SOX6: variants seen among roughly 807,000 people sequenced by gnomAD.
SOX6 encodes SRY-box transcription factor 6, also known as transcription factor SOX-6.
In SOX6, 11 loss-of-function variants were observed where a neutral mutation model predicts 97.8. The observed-to-expected ratio is 0.11, with a 90% CI of 0.07 to 0.19. SOX6 has a LOEUF of 0.19. Among genes scored for constraint, SOX6 ranks in the 10% least tolerant of loss-of-function variants. The pLI, the probability that SOX6 is intolerant of heterozygous loss-of-function variation, is 1.00. For missense variants in SOX6, 810 were observed against 1,039.5 expected, an observed-to-expected ratio of 0.78 and a Z score of 3.04; for synonymous variants, 360 against 371.4, an observed-to-expected ratio of 0.97 and a Z score of 0.35.
intron 1 of SOX6, among the ~76,000 whole-genome samples, chr11:16,456,946 G>T (rs1169404101): frequency 6.6e-6 from 1 of 151,968 alleles, no homozygotes; most frequent in Non-Finnish European, 1.5e-5. Flanking sequence ...AATTATTTTT[G>T]AAAATCAAAG....
At chr11:16,362,698 C>G (rs1382799795) in intron 1 of SOX6, among the ~76,000 whole-genome samples, 2 of 152,120 alleles carry the variant, frequency 1.3e-5, no homozygotes, top group Non-Finnish European at 2.9e-5. Context: ...CATCTAGAAT[C>G]TGTTATGCCT....
At chr11:16,402,764 A>G in intron 1 of SOX6, 3 of 1,607,774 alleles carry the variant, frequency 1.9e-6, no homozygotes, top group Non-Finnish European at 2.6e-6. Flanking sequence ...ATATTAGGAA[A>G]AAAAACAATC....
intron 1 of SOX6, among the ~76,000 whole-genome samples, chr11:16,352,250 TGATGGATGGATGGATG>T (rs3030887): frequency 1.7e-4 from 25 of 147,498 alleles, no homozygotes; most frequent in African/African-American, 4.2e-4. Flanking sequence ...AATGGGCAGA[TGATGGATGGATGGATG>T]GATGGATGGA....
intron 10 of SOX6, among the ~76,000 whole-genome samples, chr11:16,055,120 T>C (rs1328690200): frequency 2.0e-5 from 3 of 152,214 alleles, no homozygotes; most frequent in African/African-American, 7.2e-5. Flanking sequence ...AGAGCATTTA[T>C]TAAGGATACA....
At chr11:16,480,267 C>A (rs1163955653), upstream of SOX6, among the ~76,000 whole-genome samples, 1 of 152,124 alleles carries the variant, frequency 6.6e-6, no homozygotes, top group East Asian at 1.9e-4. Flanking sequence ...TTATACTTAG[C>A]ATGTCTAATG....
intron 4 of SOX6, among the ~76,000 whole-genome samples, chr11:16,577,532 G>T (rs1847994832): frequency 6.6e-6 from 1 of 152,124 alleles, no homozygotes; most frequent in Non-Finnish European, 1.5e-5. Context: ...ATATTCTCAT[G>T]AGCAATATAT....
intron 4 of SOX6, among the ~76,000 whole-genome samples, chr11:16,521,975 C>T (rs912401931): frequency 6.6e-6 from 1 of 152,112 alleles, no homozygotes; most frequent in Non-Finnish European, 1.5e-5. Flanking sequence ...AAATATGGGA[C>T]TATGTGAAAA....
At chr11:16,731,288 A>G (rs1848347806) in intron 2 of SOX6, among the ~76,000 whole-genome samples, 1 of 152,172 alleles carries the variant, frequency 6.6e-6, no homozygotes, top group Admixed American at 6.5e-5. Flanking sequence ...CAGAGACACA[A>G]CAAAAAAAAG....
intron 4 of SOX6, among the ~76,000 whole-genome samples, chr11:16,227,736 G>A (rs1172170484): frequency 6.6e-6 from 1 of 152,028 alleles, no homozygotes; most frequent in Non-Finnish European, 1.5e-5. Context: ...CCCTAAAACA[G>A]CAGAAAACAC....
chr11:16,156,940 G>C (rs1211789334), intron 6 of SOX6, among the ~76,000 whole-genome samples: 1 of 151,828 alleles, frequency 6.6e-6, no homozygotes, highest in Non-Finnish European at 1.5e-5. Flanking sequence ...TTTGTTTACA[G>C]TCTCTATCTT....
chr11:16,081,313 C>G (rs1564944059), intron 9 of SOX6, among the ~76,000 whole-genome samples: 1 of 151,976 alleles, frequency 6.6e-6, no homozygotes, highest in Non-Finnish European at 1.5e-5. Flanking sequence ...TAAAATGCAC[C>G]ACTTCTCTGG....
At chr11:16,484,502 ACCT>A (rs1293265641) in intron 4 of SOX6, 1 of 805,738 alleles carries the variant, frequency 1.2e-6, no homozygotes, top group Non-Finnish European at 2.3e-6. Context: ...CTGAATGGCC[ACCT>A]CCACCTCATT....
chr11:16,139,599 C>T (rs1196565998), intron 6 of SOX6, among the ~76,000 whole-genome samples: 1 of 151,988 alleles, frequency 6.6e-6, no homozygotes, highest in Non-Finnish European at 1.5e-5. Context: ...AGCACCTCCT[C>T]ACTTTCTGGA....
At chr11:16,508,296 A>G (rs1860821943) in intron 4 of SOX6, among the ~76,000 whole-genome samples, 1 of 152,022 alleles carries the variant, frequency 6.6e-6, no homozygotes, top group Admixed American at 6.6e-5. Flanking sequence ...CTAACTGGAG[A>G]GTTCTCAAAA....
At chr11:16,546,304 C>G (rs1050651164) in intron 4 of SOX6, among the ~76,000 whole-genome samples, 1 of 152,094 alleles carries the variant, frequency 6.6e-6, no homozygotes, top group Non-Finnish European at 1.5e-5. Context: ...AATGCAACCC[C>G]TATCAAAATA....
chr11:16,444,967 A>G (rs1337699064), intron 1 of SOX6, among the ~76,000 whole-genome samples: 3 of 152,190 alleles, frequency 2.0e-5, no homozygotes, highest in African/African-American at 7.2e-5. Context: ...ATGTAACAAA[A>G]CAAAGTTAAC....
chr11:15,979,897 ATTTG>A (rs992882257), intron 15 of SOX6, among the ~76,000 whole-genome samples: 2 of 151,876 alleles, frequency 1.3e-5, no homozygotes, highest in African/African-American at 4.8e-5. Flanking sequence ...ACTATTATTT[ATTTG>A]TTTGTTTGTT....
chr11:16,232,913 C>T (rs1316963858), intron 4 of SOX6, among the ~76,000 whole-genome samples: 1 of 151,848 alleles, frequency 6.6e-6, no homozygotes, highest in Non-Finnish European at 1.5e-5. Flanking sequence ...CAGCAAATGG[C>T]CTTTATGGGT....
chr11:15,974,100 T>C (rs1274746494), intron 15 of SOX6, among the ~76,000 whole-genome samples: 4 of 152,330 alleles, frequency 2.6e-5, no homozygotes, highest in East Asian at 1.9e-4. Flanking sequence ...TAGTAAATTA[T>C]AGTTGAATTT....
Sources: allele counts gnomAD v4.1 joint callset (sites outside exome capture counted in the v4.1 genomes callset), GRCh38; gene constraint gnomAD v4.1.1; transcripts MANE v1.5; gene names NCBI Gene and HGNC (gene_info 2026-07-23, HGNC 2026-07-21).